The following RNF150 variants were observed in gnomAD, a reference collection of about 807,000 sequenced individuals.
RNF150 encodes the protein ring finger protein 150.
Under a neutral mutation model 39.3 loss-of-function variants are expected in RNF150, and 24 were observed. The ratio of observed to expected loss-of-function variants is 0.61; its 90% confidence interval spans 0.44 to 0.86. The LOEUF is 0.86. Ranked by LOEUF, RNF150 falls within the 40% of genes least tolerant of loss-of-function variation. RNF150 has a pLI of 0.00. For synonymous variants in RNF150, 255 were observed against 227.3 expected, an observed-to-expected ratio of 1.12 and a Z score of -1.10; for missense variants, 502 against 587.8, an observed-to-expected ratio of 0.85 and a Z score of 1.51.
At chr4:141,165,765 A>C (rs1195312832) in intron 1 of RNF150, among the ~76,000 whole-genome samples, 1 of 152,210 alleles carries the variant, frequency 6.6e-6, no homozygotes, top group Non-Finnish European at 1.5e-5. Flanking sequence ...ACAAAGGTAC[A>C]ATGTACCAGA....
At chr4:141,057,333 T>C (rs1737020341) in intron 1 of RNF150, among the ~76,000 whole-genome samples, 2 of 151,984 alleles carry the variant, frequency 1.3e-5, no homozygotes, top group Admixed American at 6.6e-5. Flanking sequence ...TTATATATAA[T>C]TGTAAAACAA....
chr4:141,080,657 G>A (rs1430263345), intron 1 of RNF150, among the ~76,000 whole-genome samples: 1 of 152,166 alleles, frequency 6.6e-6, no homozygotes, highest in Non-Finnish European at 1.5e-5. Flanking sequence ...ACAAGCCTAT[G>A]AGGATATTAA....
chr4:141,169,624 G>A (rs1389027692), intron 1 of RNF150, among the ~76,000 whole-genome samples: 1 of 151,960 alleles, frequency 6.6e-6, no homozygotes, highest in Non-Finnish European at 1.5e-5. Flanking sequence ...GCCTGACATG[G>A]GCTTCATCTT....
intron 1 of RNF150, among the ~76,000 whole-genome samples, chr4:140,970,102 T>C (rs776657144): frequency 6.6e-6 from 1 of 152,156 alleles, no homozygotes; most frequent in Non-Finnish European, 1.5e-5. Flanking sequence ...AATATATTCC[T>C]CTATGGCTTC....
intron 1 of RNF150, among the ~76,000 whole-genome samples, chr4:140,980,344 C>T (rs1490275891): frequency 6.6e-6 from 1 of 151,932 alleles, no homozygotes; most frequent in Admixed American, 6.6e-5. Flanking sequence ...TGCCCGATCC[C>T]CTTTAGGCTA....
intron 4 of RNF150, among the ~76,000 whole-genome samples, chr4:140,927,868 T>C (rs1425814505): frequency 6.6e-6 from 1 of 151,856 alleles, no homozygotes; most frequent in Non-Finnish European, 1.5e-5. Flanking sequence ...GGGCTGGTCC[T>C]GAACTCCTGA....
Position 140,997,804 on chromosome 4 carries a change from T to A in RNF150, c.485-29931A>T, listed in dbSNP as rs115898099. Reference sequence around the variant, plus strand: ...AAGTGAAAAAAGCAAAGTCTAGAAGTATGCTATATTTATGTAAAAAGAAAA... The same window carrying A: ...AAGTGAAAAAAGCAAAGTCTAGAAGAATGCTATATTTATGTAAAAAGAAAA... On this transcript the variant is annotated intron_variant, in intron 1 of 6. Transcript: ENST00000515673. Among the ~76,000 whole-genome samples the A allele has an allele frequency of 3.1e-3, 464 of 149,968 alleles. 5 individuals are homozygous for A. The highest frequency in any genetic ancestry group is 0.011 in the African/African-American group (446 of 41,194).
chr4:141,047,062 C>A lies in RNF150; in HGVS notation c.485-79189G>T, dbSNP rs142565369. On this transcript the variant is annotated intron_variant, in intron 1 of 6. Coordinates refer to ENST00000515673, the MANE Select transcript of RNF150 (RefSeq NM_020724.2). ...TATGACTCAGATCAGAAGCCAGGTA[C>A]CCCCTCAACTAGTTCACATCTAAAA... Among the ~76,000 whole-genome samples the A allele has an allele frequency of 3.4e-3, 518 of 152,190 alleles. 5 individuals carry two copies. Among genetic ancestry groups the A allele is most frequent in the African/African-American group, 0.012 (489 of 41,534 alleles).
intron 1 of RNF150, among the ~76,000 whole-genome samples, chr4:141,109,717 A>T (rs1739325876): frequency 6.6e-6 from 1 of 152,302 alleles, no homozygotes; most frequent in East Asian, 1.9e-4. Flanking sequence ...AGCAGCATAT[A>T]TCAGAATAAT....
intron 1 of RNF150, among the ~76,000 whole-genome samples, chr4:141,141,534 G>A (rs1447257471): frequency 1.3e-5 from 2 of 152,164 alleles, no homozygotes; most frequent in African/African-American, 4.8e-5. Flanking sequence ...ATTGTGAATG[G>A]TTCATGCCTG....
chr4:140,880,178 C>T (rs1222837750), intron 6 of RNF150, among the ~76,000 whole-genome samples: 3 of 151,812 alleles, frequency 2.0e-5, no homozygotes, highest in African/African-American at 7.3e-5. Flanking sequence ...TCTTTTATTC[C>T]TAGTTTGTTG....
chr4:141,056,069 T>C (rs1287882645), intron 1 of RNF150, among the ~76,000 whole-genome samples: 5 of 152,224 alleles, frequency 3.3e-5, no homozygotes, highest in Admixed American at 6.5e-5. Context: ...AAATTTTGCA[T>C]AAATTATTTT....
Position 140,904,822 on chromosome 4 carries a change from C to T in RNF150, c.1198+6322G>A, listed in dbSNP as rs1730316974. ...GGTGTGGTCAGAGCAGGTCTACAGG[C>T]ATTTACAAGTTTTAAATAGAGATGT... On this transcript the variant is annotated intron_variant, in intron 6 of 6. Coordinates refer to ENST00000515673, the MANE Select transcript of RNF150 (RefSeq NM_020724.2). Among the ~76,000 whole-genome samples the T allele has an allele frequency of 1.3e-5, 2 of 152,160 alleles. 1 individual carries two copies. Among genetic ancestry groups the T allele is most frequent in the South Asian group, 4.1e-4 (2 of 4,830 alleles).
rs555526640 is a variant in RNF150, at chr4:140,900,009, AT to A, written c.1198+11134del. On this transcript the variant is annotated intron_variant, in intron 6 of 6. Transcript: ENST00000515673. ...GTGTGTGTGTGTGTGTGTGTGTCCC[AT>A]TTGCTGCAAACCTGGAGATTAGTTT... is the stretch of plus-strand genomic sequence containing the variant. Among the ~76,000 whole-genome samples, 642 of 121,788 alleles carry A rather than the reference AT, an allele frequency of 5.3e-3. 4 individuals are homozygous for A. Among genetic ancestry groups the A allele is most frequent in the African/African-American group, 0.02 (617 of 31,214 alleles). The allele number at this position is 121,788 out of a possible 152,430, so 79.9% of individuals were successfully genotyped here.
intron 6 of RNF150, among the ~76,000 whole-genome samples, chr4:140,877,483 C>A (rs901524366): frequency 6.6e-6 from 1 of 152,192 alleles, no homozygotes; most frequent in African/African-American, 2.4e-5. Context: ...AGAGTTCATA[C>A]ATATTTATCC....
At chr4:140,962,076 TCTCTA>T (rs1257129436) in intron 2 of RNF150, among the ~76,000 whole-genome samples, 1 of 147,842 alleles carries the variant, frequency 6.8e-6, no homozygotes, top group Non-Finnish European at 1.5e-5. Context: ...TCTCTCTCTC[TCTCTA>T]CTCTCTCTCT....
chr4:140,966,111 G>T (rs1406480460), intron 2 of RNF150, among the ~76,000 whole-genome samples: 1 of 152,094 alleles, frequency 6.6e-6, no homozygotes, highest in African/African-American at 2.4e-5. Flanking sequence ...GAGGTGGGAA[G>T]ATTACTTGAG....
chr4:141,200,342 C>T (rs1312271424), intron 1 of RNF150, among the ~76,000 whole-genome samples: 1 of 151,900 alleles, frequency 6.6e-6, no homozygotes, highest in Admixed American at 6.6e-5. Context: ...CTAATTGCTT[C>T]CCAAAGACTC....
chr4:141,082,075 G>T (rs1464607811), intron 1 of RNF150, among the ~76,000 whole-genome samples: 3 of 152,216 alleles, frequency 2.0e-5, no homozygotes, highest in Non-Finnish European at 4.4e-5. Context: ...TACGTTAATT[G>T]CACAGTCACA....
Sources: allele counts gnomAD v4.1 joint callset (sites outside exome capture counted in the v4.1 genomes callset), GRCh38; gene constraint gnomAD v4.1.1; transcripts MANE v1.5; gene names NCBI Gene and HGNC (gene_info 2026-07-23, HGNC 2026-07-21).